COX15: variants seen among roughly 807,000 people sequenced by gnomAD.
The protein encoded by COX15 is heme A synthase COX15.
COX15 carries 51 observed loss-of-function variants against 51.9 expected under a neutral mutation model. The observed-to-expected ratio is 0.98, with a 90% CI of 0.78 to 1.24. The LOEUF is 1.24. COX15 is among the 50% of genes most tolerant of loss of function. The probability of loss-of-function intolerance (pLI) is 0.00; values close to 1 mark genes in which losing one functional copy is unlikely to be tolerated. For synonymous variants in COX15, 188 were observed against 190.5 expected (o/e 0.99, Z 0.11); for missense variants, 420 against 501.1 (o/e 0.84, Z 1.55).
In COX15 at chr10:99,724,042, G is replaced by A. The variant is rs2231682; in HGVS notation, c.664C>T (p.Arg222Cys). ...GCTGATCCCAGGTGGGCAGCAAGGCGGTACTGACTGACCCGAGGGATGTCA... is the reference window on the plus strand; with the variant it reads ...GCTGATCCCAGGTGGGCAGCAAGGCAGTACTGACTGACCCGAGGGATGTCA... ...SHDIPRVSQY[R>C]LAAHLGSALV... The change falls in exon 5 of 9, where the codon CGC (arginine) becomes TGC (cysteine). Residue 222 changes from arginine to cysteine, a missense_variant. By Grantham distance (180) the Arg-to-Cys change is radical. Coordinates refer to ENST00000016171, the MANE Select transcript of COX15 (RefSeq NM_078470.6). 5.3e-4 allele frequency: 862 copies of A among 1,614,078 alleles called. 8 individuals are homozygous for A. In the East Asian group the frequency reaches 0.014, roughly 27 times the overall value.
At position 99,713,619 on chromosome 10, in the gene COX15, A is replaced by G; in HGVS notation, c.*968T>C. 8.2e-7 allele frequency: 1 copy of G among 1,221,742 alleles called. No individual in the cohort carries two copies. Among genetic ancestry groups the G allele is most frequent in the Non-Finnish European group, 1.1e-6 (1 of 869,726 alleles). 75.7% of individuals were successfully genotyped at this position (1,221,742 alleles called of 1,614,324 possible). On this transcript the variant is annotated 3_prime_UTR_variant, in exon 9 of 9. Coordinates refer to ENST00000016171, the MANE Select transcript of COX15 (RefSeq NM_078470.6). ...CTGTTAGGAAACCCTCTCAGGAACC[A>G]ATTTATACTGTCGATTCCATTCCTC... is the stretch of plus-strand genomic sequence containing the variant.
chr10:99,725,795 C>G (rs140302376), intron 4 of COX15, among the ~76,000 whole-genome samples: 279 of 152,196 alleles, frequency 1.8e-3, no homozygotes, highest in Non-Finnish European at 3.1e-3. Context: ...CCTGATCCCC[C>G]ACCTTGGCTT....
chr10:99,719,672 G>A (rs1032574935), intron 6 of COX15, among the ~76,000 whole-genome samples: 3 of 151,898 alleles, frequency 2.0e-5, no homozygotes, highest in African/African-American at 7.3e-5. Flanking sequence ...TGTATTTTTT[G>A]TAGAGACGAG....
chr10:99,711,736 A>C lies in COX15; in HGVS notation c.*2851T>G. The C allele has an allele frequency of 1.0e-6, 1 of 985,478 alleles. No homozygotes were observed. The highest frequency in any genetic ancestry group is 1.2e-6 in the Non-Finnish European group (1 of 829,948). 61.0% of individuals were successfully genotyped at this position (985,478 alleles called of 1,614,324 possible). A position where few individuals can be genotyped will look rare whatever the true frequency, so the allele number is the denominator to read the frequency against. On this transcript the variant is annotated 3_prime_UTR_variant, in exon 9 of 9. Transcript: ENST00000016171. ...AGAAGTTGGGAATCTCTTCTAGGCAATAGCATAAGCCCAGCCAGGGTCCAG... is the reference window on the plus strand; with the variant it reads ...AGAAGTTGGGAATCTCTTCTAGGCACTAGCATAAGCCCAGCCAGGGTCCAG...
chr10:99,710,804 C>A, downstream of COX15: 3 of 985,352 alleles, frequency 3.0e-6, no homozygotes, highest in Non-Finnish European at 3.6e-6. Flanking sequence ...CTAGTCATTA[C>A]CCCTGCTACA....
chr10:99,721,826 A>G (rs962694018), intron 5 of COX15, among the ~76,000 whole-genome samples: 8 of 152,040 alleles, frequency 5.3e-5, no homozygotes, highest in African/African-American at 1.9e-4. Context: ...TTTTATTTAA[A>G]TATAAAGTTT....
chr10:99,731,933 G>T lies in COX15; in HGVS notation c.90+27C>A, dbSNP rs2231679. The T allele has an allele frequency of 2.1e-3, 3,286 of 1,594,938 alleles. 53 individuals are homozygous for T. In the African/African-American group the frequency reaches 0.035, roughly 17 times the overall value. ...CCTTTCACTCCATCCCCGCTCCCGC[G>T]ACTCGGAGTCCGCTGCAGTGCGGTA... is the stretch of plus-strand genomic sequence containing the variant. On this transcript the variant is annotated intron_variant, in intron 1 of 8. Coordinates refer to ENST00000016171, the MANE Select transcript of COX15 (RefSeq NM_078470.6).
At chr10:99,722,260 C>A (rs946200995) in intron 5 of COX15, among the ~76,000 whole-genome samples, 4 of 152,126 alleles carry the variant, frequency 2.6e-5, no homozygotes, top group African/African-American at 9.7e-5. Flanking sequence ...ATCTCAAATC[C>A]TTTTTGTAAT....
At chr10:99,730,503 G>A (rs756470046) in intron 1 of COX15, among the ~76,000 whole-genome samples, 1 of 151,958 alleles carries the variant, frequency 6.6e-6, no homozygotes, top group Non-Finnish European at 1.5e-5. Context: ...AGGATCACTT[G>A]AACCTGGGAG....
chr10:99,724,158 G>T (rs895855367), intron 4 of COX15, 35 bp from the exon 5 acceptor site: 2 of 1,612,160 alleles, frequency 1.2e-6, no homozygotes, highest in South Asian at 2.2e-5. Flanking sequence ...AACAAAACAA[G>T]GTTAAAATGA....
chr10:99,700,142 T>C, the COX15 span, among the ~76,000 whole-genome samples: 2 of 152,152 alleles, frequency 1.3e-5, no homozygotes, highest in African/African-American at 4.8e-5. Flanking sequence ...GGCCTGACTC[T>C]TTCTCTTATC....
rs893444127 is a variant in COX15, at chr10:99,713,309, A to G, written c.*1278T>C. ...TATTTAATTTAAATGAGTATGTTAC[A>G]TTTCTAATCTGTTTAATTTCATCTC... On this transcript the variant is annotated 3_prime_UTR_variant, in exon 9 of 9. Coordinates refer to ENST00000016171, the MANE Select transcript of COX15 (RefSeq NM_078470.6). 1 of 1,585,604 alleles carries G rather than the reference A, an allele frequency of 6.3e-7. No individual in the cohort carries two copies. Among genetic ancestry groups the G allele is most frequent in the Admixed American group, 1.7e-5 (1 of 59,466 alleles).
At chr10:99,725,251 G>C (rs2036912008) in intron 4 of COX15, among the ~76,000 whole-genome samples, 3 of 152,044 alleles carry the variant, frequency 2.0e-5, no homozygotes, top group Non-Finnish European at 4.4e-5. Context: ...AAATCTTTTT[G>C]GGCATTTCTC....
Position 99,720,181 on chromosome 10 carries a change from A to G in COX15, c.832+806T>C, listed in dbSNP as rs188473384. ...TGAAAACGGCCAGGCATGGTAGCTC[A>G]TGCCTGTAATCCCAGCACTTTGGGA... On this transcript the variant is annotated intron_variant, in intron 6 of 8. Coordinates refer to ENST00000016171, the MANE Select transcript of COX15 (RefSeq NM_078470.6). Among the ~76,000 whole-genome samples the G allele has an allele frequency of 2.4e-3, 361 of 152,310 alleles. 1 individual carries two copies. Among genetic ancestry groups the G allele is most frequent in the Non-Finnish European group, 3.6e-3 (248 of 68,022 alleles).
At chr10:99,707,802 G>C (rs1044435285), downstream of COX15, among the ~76,000 whole-genome samples, 36 of 152,172 alleles carry the variant, frequency 2.4e-4, no homozygotes, top group African/African-American at 8.4e-4. Context: ...CATTTATGTG[G>C]CATTTCATTC....
At chr10:99,710,343 C>T (rs1446594491), downstream of COX15, 1 of 985,274 alleles carries the variant, frequency 1.0e-6, no homozygotes, top group Non-Finnish European at 1.2e-6. Context: ...TCCACAATTA[C>T]CCTTTAGTTG....
At chr10:99,729,781 C>T in intron 1 of COX15, 47 bp from the exon 2 acceptor site, 1 of 1,590,294 alleles carries the variant, frequency 6.3e-7, no homozygotes, top group Non-Finnish European at 8.6e-7. Flanking sequence ...CAGGGAATGG[C>T]TGCTACCCAC....
In COX15 at chr10:99,713,827, G is replaced by A. The variant is rs996982285; in HGVS notation, c.*760C>T. On this transcript the variant is annotated 3_prime_UTR_variant, in exon 9 of 9. Transcript: ENST00000016171. ...TCTACTAAAAATACAAAATTAGCCA[G>A]GCATGGTGACTTGTGCCTGTAGTCC... 1.5e-5 allele frequency: 6 copies of A among 387,702 alleles called. No individual in the cohort carries two copies. Among genetic ancestry groups the A allele is most frequent in the Admixed American group, 4.7e-5 (1 of 21,396 alleles). The allele number at this position is 387,702 out of a possible 1,614,324, so 24.0% of individuals were successfully genotyped here. A position where few individuals can be genotyped will look rare whatever the true frequency, so the allele number is the denominator to read the frequency against.
Position 99,710,952 on chromosome 10 carries a change from A to C in COX15, c.*3635T>G. ...GAGAGACCTTTGAAAATATTAAGGG[A>C]AATCTATTTAATCCTATAGGTATGT... On this transcript the variant is annotated 3_prime_UTR_variant, in exon 9 of 9. Transcript: ENST00000016171. 1.0e-6 allele frequency: 1 copy of C among 985,358 alleles called. No individual in the cohort carries two copies. Among genetic ancestry groups the C allele is most frequent in the Non-Finnish European group, 1.2e-6 (1 of 829,858 alleles). The allele number at this position is 985,358 out of a possible 1,614,324, so 61.0% of individuals were successfully genotyped here.
Sources: allele counts gnomAD v4.1 joint callset (sites outside exome capture counted in the v4.1 genomes callset), GRCh38; gene constraint gnomAD v4.1.1; transcripts MANE v1.5; gene names NCBI Gene and HGNC (gene_info 2026-07-23, HGNC 2026-07-21).